The following SPIRE1 variants were observed in gnomAD, a reference collection of about 807,000 sequenced individuals.
SPIRE1 encodes protein spire homolog 1.
Under a neutral mutation model 94.1 loss-of-function variants are expected in SPIRE1, and 40 were observed. That is an observed-to-expected ratio of 0.43 (90% CI 0.33 to 0.55). The LOEUF is 0.55. SPIRE1 is among the 20% of genes least tolerant of loss of function. The pLI is 0.06. For missense variants in SPIRE1, 838 were observed against 975.2 expected, an observed-to-expected ratio of 0.86 and a Z score of 1.87; for synonymous variants, 376 against 371.7, an observed-to-expected ratio of 1.01 and a Z score of -0.13.
chr18:12,651,605 C>A (rs547658158), intron 1 of SPIRE1, among the ~76,000 whole-genome samples: 1 of 151,974 alleles, frequency 6.6e-6, no homozygotes, highest in Non-Finnish European at 1.5e-5. Context: ...ACCCAGGAAG[C>A]GGAGGCTGCA....
chr18:12,512,108 T>C (rs1489812269), intron 5 of SPIRE1, among the ~76,000 whole-genome samples: 1 of 152,156 alleles, frequency 6.6e-6, no homozygotes, highest in African/African-American at 2.4e-5. Flanking sequence ...CTCATGCCTG[T>C]AATCCCAGCA....
rs9947177 is a variant in SPIRE1 at position 12,567,617 on chromosome 18, C to T, written c.373-20713G>A. ...AAGAGGTCTGATTACTCCTTTTTCC[C>T]CAATATGCAGTTACACTGGTAAAAA... On this transcript the variant is annotated intron_variant, in intron 2 of 16. Coordinates refer to ENST00000409402, the MANE Select transcript of SPIRE1 (RefSeq NM_001128626.2). Among the ~76,000 whole-genome samples, 374 of 152,228 alleles carry T rather than the reference C, an allele frequency of 2.5e-3. 3 individuals carry two copies. Among genetic ancestry groups the T allele is most frequent in the African/African-American group, 8.7e-3 (361 of 41,548 alleles).
At position 12,557,842 on chromosome 18, in the gene SPIRE1, T is replaced by G. The variant is rs551758712; in HGVS notation, c.373-10938A>C. ...AGATACACAGACCAATGGAACAGAA[T>G]AGAGCCCTCAGAAATAGATCCATAC... is the stretch of plus-strand genomic sequence containing the variant. On this transcript the variant is annotated intron_variant, in intron 2 of 16. Transcript: ENST00000409402. Among the ~76,000 whole-genome samples, 4 of 152,068 alleles carry G rather than the reference T, an allele frequency of 2.6e-5. No homozygotes were observed. The South Asian group carries it at 8.3e-4, about 32-fold the overall frequency.
At chr18:12,558,710 G>A (rs1047328435) in intron 2 of SPIRE1, among the ~76,000 whole-genome samples, 2 of 151,120 alleles carry the variant, frequency 1.3e-5, no homozygotes, top group African/African-American at 4.9e-5. Flanking sequence ...CGCCAAGTCC[G>A]CACCAGATTA....
At chr18:12,595,401 TGAGA>T (rs1372026802) in intron 2 of SPIRE1, among the ~76,000 whole-genome samples, 8 of 152,130 alleles carry the variant, frequency 5.3e-5, no homozygotes, top group African/African-American at 1.9e-4. Context: ...AACTTAAGTT[TGAGA>T]GAGTCAAATG....
intron 2 of SPIRE1, among the ~76,000 whole-genome samples, chr18:12,627,647 G>A (rs974654167): frequency 3.3e-5 from 5 of 152,142 alleles, no homozygotes; most frequent in African/African-American, 4.8e-5. Context: ...CTTCCATAAT[G>A]GTTGAACTAA....
intron 2 of SPIRE1, among the ~76,000 whole-genome samples, chr18:12,633,825 C>G (rs896346868): frequency 1.3e-5 from 2 of 152,168 alleles, no homozygotes; most frequent in African/African-American, 4.8e-5. Context: ...GATGATGAAA[C>G]TGCTACTGAA....
chr18:12,452,108 G>A (rs889847408), intron 16 of SPIRE1, 147 bp downstream of exon 16: 18 of 885,042 alleles, frequency 2.0e-5, no homozygotes, highest in Non-Finnish European at 2.9e-5. Context: ...GGGAAGTTTT[G>A]GAGATTTGTG....
intron 7 of SPIRE1, 72 bp from the exon 8 acceptor site, chr18:12,493,273 C>A: frequency 7.3e-7 from 1 of 1,360,706 alleles, no homozygotes; most frequent in Non-Finnish European, 1.0e-6. Context: ...TCATACAGTA[C>A]AGTATTATAA....
intron 2 of SPIRE1, among the ~76,000 whole-genome samples, chr18:12,580,262 G>A (rs2036220827): frequency 6.6e-6 from 1 of 152,110 alleles, no homozygotes; most frequent in East Asian, 1.9e-4. Context: ...AGAGGGTGTT[G>A]CAGGGTTGGA....
At chr18:12,658,832 C>G, upstream of SPIRE1, 1 of 322,394 alleles carries the variant, frequency 3.1e-6, no homozygotes, top group Non-Finnish European at 6.2e-6. Flanking sequence ...CTCCCAAAAG[C>G]TAAACCAGCG....
intron 1 of SPIRE1, among the ~76,000 whole-genome samples, chr18:12,639,239 T>C (rs1304923880): frequency 1.3e-5 from 2 of 151,176 alleles, no homozygotes; most frequent in Non-Finnish European, 2.9e-5. Context: ...CACTCCACCC[T>C]GGGCGAGACA....
intron 6 of SPIRE1, among the ~76,000 whole-genome samples, 176 bp downstream of exon 6, chr18:12,506,301 G>A (rs565597992): frequency 6.6e-6 from 1 of 152,216 alleles, no homozygotes; most frequent in Admixed American, 6.5e-5. Flanking sequence ...GGAACTACAG[G>A]TGTGCACCAC....
intron 2 of SPIRE1, among the ~76,000 whole-genome samples, chr18:12,614,672 G>T (rs1181813167): frequency 6.6e-6 from 1 of 151,702 alleles, no homozygotes; most frequent in African/African-American, 2.4e-5. Context: ...AAGAAAAGTA[G>T]CCGGGCACGG....
Position 12,559,200 on chromosome 18 carries a change from G to C in SPIRE1, c.373-12296C>G, listed in dbSNP as rs548532309. 6.6e-6 allele frequency among the ~76,000 whole-genome samples: 1 copy of C among 152,066 alleles called. No individual in the cohort carries two copies. Among genetic ancestry groups the C allele is most frequent in the African/African-American group, 2.4e-5 (1 of 41,404 alleles). On this transcript the variant is annotated intron_variant, in intron 2 of 16. Transcript: ENST00000409402. The surrounding 1 kb of genome is among the most constrained non-coding windows in gnomAD (Gnocchi z 4.7). ...GGGTGGGGTGGGGTGGGGGGGCGCC[G>C]GCATGGCAGGCTGCAGGTCCCGAGC...
At chr18:12,460,093 C>T (rs992437266) in intron 12 of SPIRE1, among the ~76,000 whole-genome samples, 4 of 152,230 alleles carry the variant, frequency 2.6e-5, no homozygotes, top group Admixed American at 1.3e-4. Context: ...TGCATCCACA[C>T]GTATAAATCA....
intron 2 of SPIRE1, among the ~76,000 whole-genome samples, chr18:12,607,172 T>C (rs1381714471): frequency 1.3e-5 from 2 of 152,174 alleles, no homozygotes; most frequent in African/African-American, 4.8e-5. Flanking sequence ...TGAAAATGCA[T>C]TGTGCTAAGT....
Position 12,549,198 on chromosome 18 carries a change from TG to T in SPIRE1, c.373-2295del, listed in dbSNP as rs1403630392. 2.6e-3 allele frequency among the ~76,000 whole-genome samples: 393 copies of T among 152,278 alleles called. 1 individual carries two copies. The highest frequency in any genetic ancestry group is 9.1e-3 in the African/African-American group (377 of 41,556). On this transcript the variant is annotated intron_variant, in intron 2 of 16. Coordinates refer to ENST00000409402, the MANE Select transcript of SPIRE1 (RefSeq NM_001128626.2). ...TGCATTAGAAAAAAACTTGTTAAAC[TG>T]AACCTAGGGCAGTCACTTTAACTAT... is the stretch of plus-strand genomic sequence containing the variant.
intron 3 of SPIRE1, among the ~76,000 whole-genome samples, chr18:12,545,887 T>C (rs542532782): frequency 6.6e-6 from 1 of 152,330 alleles, no homozygotes. Flanking sequence ...GGGTATATAA[T>C]ATCTAAAAGC....
Sources: allele counts gnomAD v4.1 joint callset (sites outside exome capture counted in the v4.1 genomes callset), GRCh38; gene constraint gnomAD v4.1.1; non-coding constraint Gnocchi (gnomAD v3.1); transcripts MANE v1.5; gene names NCBI Gene and HGNC (gene_info 2026-07-23, HGNC 2026-07-21).